Variants in ODAD4 observed in about 807,000 individuals in gnomAD.
ODAD4 encodes outer dynein arm docking complex subunit 4, also known as outer dynein arm-docking complex subunit 4.
Under a neutral mutation model 51.8 loss-of-function variants are expected in ODAD4, and 49 were observed. That is an observed-to-expected ratio of 0.95 (90% CI 0.75 to 1.20). The LOEUF (loss-of-function observed/expected upper bound fraction) is 1.20. ODAD4 is among the 50% of genes most tolerant of loss of function. The probability of loss-of-function intolerance (pLI) is 0.00; values close to 1 mark genes in which losing one functional copy is unlikely to be tolerated. For synonymous variants in ODAD4, 235 were observed against 221.3 expected (o/e 1.06, Z -0.55); for missense variants, 590 against 586.5 (o/e 1.01, Z -0.06).
intron 7 of ODAD4, among the ~76,000 whole-genome samples, chr17:41,942,955 T>C (rs1427342658): frequency 6.6e-6 from 1 of 152,098 alleles, no homozygotes; most frequent in Non-Finnish European, 1.5e-5. Context: ...CTCCAACTCC[T>C]AGGCCCAAGC....
chr17:41,958,531 A>G (rs782704099), intron 10 of ODAD4, among the ~76,000 whole-genome samples: 1 of 151,826 alleles, frequency 6.6e-6, no homozygotes, highest in Non-Finnish European at 1.5e-5. Flanking sequence ...GTATGGTGGC[A>G]CACACCTGTA....
At chr17:41,946,120 G>C (rs1323371232) in intron 8 of ODAD4, among the ~76,000 whole-genome samples, 1 of 152,170 alleles carries the variant, frequency 6.6e-6, no homozygotes, top group Non-Finnish European at 1.5e-5. Context: ...TGAGGAAGTG[G>C]CATGCATGCT....
chr17:41,961,852 C>T (rs1224053740), intron 11 of ODAD4, among the ~76,000 whole-genome samples: 1 of 152,202 alleles, frequency 6.6e-6, no homozygotes, highest in African/African-American at 2.4e-5. Context: ...GGATCCTGCA[C>T]ACAGGTGCTA....
At chr17:41,935,470 G>C in intron 2 of ODAD4, 122 bp downstream of exon 2, 1 of 1,509,770 alleles carries the variant, frequency 6.6e-7, no homozygotes, top group East Asian at 2.4e-5. Flanking sequence ...TCTCTTCCTA[G>C]GTCATTGCCT....
At chr17:41,948,200 C>T (rs1287314291) in intron 8 of ODAD4, among the ~76,000 whole-genome samples, 1 of 151,944 alleles carries the variant, frequency 6.6e-6, no homozygotes, top group African/African-American at 2.4e-5. Context: ...TTCAGTCTCA[C>T]CACCCAAAGA....
At chr17:41,960,361 T>C (rs758865127) in intron 10 of ODAD4, among the ~76,000 whole-genome samples, 11 of 152,032 alleles carry the variant, frequency 7.2e-5, no homozygotes, top group Non-Finnish European at 1.5e-4. Context: ...GGCAGGAGAA[T>C]GGCGTGAACC....
intron 11 of ODAD4, among the ~76,000 whole-genome samples, 184 bp downstream of exon 11, chr17:41,961,650 C>T (rs1426670915): frequency 6.6e-6 from 1 of 152,220 alleles, no homozygotes; most frequent in Non-Finnish European, 1.5e-5. Flanking sequence ...GGTGAGGATT[C>T]AGCCCACCAT....
chr17:41,959,798 T>G (rs561883402), intron 10 of ODAD4, among the ~76,000 whole-genome samples: 1 of 152,294 alleles, frequency 6.6e-6, no homozygotes, highest in African/African-American at 2.4e-5. Flanking sequence ...CTCTGTTTTT[T>G]GGGAGGCAGG....
intron 9 of ODAD4, among the ~76,000 whole-genome samples, chr17:41,954,517 G>A (rs1386401622): frequency 6.6e-6 from 1 of 151,854 alleles, no homozygotes; most frequent in East Asian, 1.9e-4. Flanking sequence ...CTGTGCTTTG[G>A]TCTGCATATC....
chr17:41,945,662 G>T (rs2050575654), intron 8 of ODAD4, among the ~76,000 whole-genome samples: 1 of 152,216 alleles, frequency 6.6e-6, no homozygotes, highest in Admixed American at 6.5e-5. Context: ...ACTTTGGGAG[G>T]CCGAGGCAGG....
rs1167179140 is a variant in ODAD4, at chr17:41,965,066, G to C, written c.1602G>C (p.Lys534Asn). 2.6e-6 allele frequency: 2 copies of C among 759,008 alleles called. No individual in the cohort carries two copies. Among genetic ancestry groups the C allele is most frequent in the Non-Finnish European group, 4.9e-6 (2 of 407,664 alleles). The allele number at this position is 759,008 out of a possible 1,614,324, so 47.0% of individuals were successfully genotyped here. Residue 534 changes from lysine (K) to asparagine (N), a missense_variant, in exon 12 of 12, where the codon AAG (lysine) becomes AAC (asparagine). This residue lies in a region of ODAD4 where 226 missense variants were observed against 162.7 expected (regional missense o/e 1.39). Coordinates refer to ENST00000377540, the MANE Select transcript of ODAD4 (RefSeq NM_031421.5). ...DMRRVRDEPE[K>N]VVKQWDHSED... ...GGAGAGTGAGAGATGAGCCCGAGAA[G>C]GTGGTGAAGCAGTGGGACCATAGTG...
In ODAD4 at chr17:41,935,347, A is replaced by G. The variant is rs1470537025; in HGVS notation, c.245A>G (p.Lys82Arg). 6.2e-7 allele frequency: 1 copy of G among 1,613,540 alleles called. No homozygotes were observed. The highest frequency in any genetic ancestry group is 8.5e-7 in the Non-Finnish European group (1 of 1,179,772). ...CTCCAGAGTGACCCAGCTTTCTGTA[A>G]GGTGACTGCATGGGCGGGAGGACTG... is the stretch of plus-strand genomic sequence containing the variant. ...ASLQSDPAFCKGILQKAETLY... is the reference protein window; with the variant it reads ...ASLQSDPAFCRGILQKAETLY... Residue 82 changes from lysine to arginine, a missense_variant and splice_region_variant, in exon 2 of 12, where the codon AAG becomes AGG. Around this residue, in one of 3 missense-constraint regions of ODAD4, gnomAD observed 360 missense variants for 407.5 expected, o/e 0.88. Transcript: ENST00000377540.
At chr17:41,952,540 CAAAAAAAAAAAA>C (rs11369140) in intron 9 of ODAD4, 63 of 113,854 alleles carry the variant, frequency 5.5e-4, no homozygotes, top group East Asian at 4.6e-3. Flanking sequence ...ACCCTCACTC[CAAAAAAAAAAAA>C]AAAAAAAAAA....
chr17:41,950,357 G>C (rs1012989369), intron 9 of ODAD4, among the ~76,000 whole-genome samples: 185 of 151,354 alleles, frequency 1.2e-3, no homozygotes, highest in African/African-American at 4.3e-3. Flanking sequence ...GAGAGGTCCA[G>C]TAGACTCCCC....
intron 7 of ODAD4, among the ~76,000 whole-genome samples, chr17:41,944,430 ACACACACACACACACC>A (rs1200004590): frequency 0.013 from 267 of 20,516 alleles, 15 homozygotes; most frequent in African/African-American, 0.052. Flanking sequence ...ACACACACAC[ACACACACACACACACC>A]CCCCCGCATA....
rs1289191015 is a variant in ODAD4, at chr17:41,953,664, T to TAG, written c.1343-1552_1343-1551insGA. On this transcript the variant is annotated intron_variant, in intron 9 of 11. Coordinates refer to ENST00000377540, the MANE Select transcript of ODAD4 (RefSeq NM_031421.5). ...CTCTATTAATTTAATTATATATATA[T>TAG]ATATAGAGAGAGAGAGAGAGAGAGA... is the stretch of plus-strand genomic sequence containing the variant. 1.8e-3 allele frequency among the ~76,000 whole-genome samples: 261 copies of TAG among 148,296 alleles called. 1 individual carries two copies. Among genetic ancestry groups the TAG allele is most frequent in the African/African-American group, 5.3e-3 (212 of 40,148 alleles).
intron 7 of ODAD4, among the ~76,000 whole-genome samples, chr17:41,940,139 A>G (rs1157881647): frequency 6.6e-6 from 1 of 151,974 alleles, no homozygotes; most frequent in East Asian, 1.9e-4. Flanking sequence ...GTTTCTACCC[A>G]TCTCACCAGT....
chr17:41,959,844 CTAACA>C lies in ODAD4; in HGVS notation c.1444-1537_1444-1533del, dbSNP rs1220847639. Among the ~76,000 whole-genome samples, 11 of 152,118 alleles carry C rather than the reference CTAACA, an allele frequency of 7.2e-5. 1 individual carries two copies. In the East Asian group the frequency reaches 2.1e-3, roughly 29 times the overall value. ...GCTGTTTGTGAGGACTGTGGTAAGG[CTAACA>C]CTGCCCTCTCATGGCGGAGAAATCA... On this transcript the variant is annotated intron_variant, in intron 10 of 11. Coordinates refer to ENST00000377540, the MANE Select transcript of ODAD4 (RefSeq NM_031421.5).
In ODAD4 at chr17:41,961,409, A is replaced by G. The variant is rs782046744; in HGVS notation, c.1471A>G (p.Ile491Val). 11 of 746,816 alleles carry G rather than the reference A, an allele frequency of 1.5e-5. No individual in the cohort carries two copies. Among genetic ancestry groups the G allele is most frequent in the Middle Eastern group, 2.3e-4 (1 of 4,434 alleles). 46.3% of individuals were successfully genotyped at this position (746,816 alleles called of 1,614,324 possible). A position where few individuals can be genotyped will look rare whatever the true frequency, so the allele number is the denominator to read the frequency against. The change falls in exon 11 of 12, where the codon ATC becomes GTC. Residue 491 changes from isoleucine (I) to valine (V), a missense_variant. This residue lies in a region of ODAD4 where 226 missense variants were observed against 162.7 expected (regional missense o/e 1.39). Transcript: ENST00000377540. ...SALDDANKGI[I>V]RELRKTNYVE... is the part of the protein sequence containing the mutation. ...CTTGGACGATGCCAACAAGGGTATC[A>G]TCAGAGAACTGAGGAAAACCAACTA...
Sources: gnomAD v4.1 joint callset for allele counts (sites outside exome capture counted in the v4.1 genomes callset) on GRCh38, gnomAD v4.1.1 for gene constraint, gnomAD v4.1.1 regional missense constraint, MANE v1.5 for transcripts, NCBI Gene and HGNC (gene_info 2026-07-23, HGNC 2026-07-21) for gene names.